Variants in PACRGL observed in about 807,000 individuals in gnomAD.
PACRGL encodes parkin coregulated like.
In PACRGL, 38 loss-of-function variants were observed where a neutral mutation model predicts 34.5. That is an observed-to-expected ratio of 1.10 (90% CI 0.85 to 1.44). The LOEUF (loss-of-function observed/expected upper bound fraction) is 1.44, where lower values mean the gene tolerates loss of function less well. Ranked by LOEUF, PACRGL falls within the 40% of genes most tolerant of loss-of-function variation. The probability of loss-of-function intolerance (pLI) is 0.00; values close to 1 mark genes in which losing one functional copy is unlikely to be tolerated. For synonymous variants in PACRGL, 128 were observed against 100.1 expected (o/e 1.28, Z -1.66); for missense variants, 305 against 281.4 (o/e 1.08, Z -0.60).
intron 7 of PACRGL, among the ~76,000 whole-genome samples, chr4:20,720,843 C>G (rs944387620): frequency 2.6e-5 from 4 of 152,086 alleles, no homozygotes; most frequent in Non-Finnish European, 5.9e-5. Context: ...GTGGCATTCT[C>G]TGTATTTCCT....
At chr4:20,765,973 A>T in the PACRGL span, among the ~76,000 whole-genome samples, 1 of 152,158 alleles carries the variant, frequency 6.6e-6, no homozygotes, top group East Asian at 1.9e-4. Context: ...ATAAGGCAGT[A>T]TTACTATTGT....
rs76392954 is a variant in PACRGL at position 20,723,926 on chromosome 4, G to A, written c.610-882G>A. 4.0e-3 allele frequency among the ~76,000 whole-genome samples: 605 copies of A among 152,172 alleles called. 6 individuals carry two copies. Among genetic ancestry groups the A allele is most frequent in the African/African-American group, 0.014 (561 of 41,516 alleles). On this transcript the variant is annotated intron_variant, in intron 7 of 8. Transcript: ENST00000503585. The stretch of plus-strand genomic sequence containing the variant: ...CTGAGGATGTCAATGAGGTGCTATC[G>A]GATCCCCTTCGTCCCTCACCCCCAT...
chr4:20,730,163 G>A lies in PACRGL; in HGVS notation c.*2822G>A. 1.3e-6 allele frequency: 2 copies of A among 1,584,492 alleles called. No homozygotes were observed. The highest frequency in any genetic ancestry group is 8.6e-7 in the Non-Finnish European group (1 of 1,166,678). ...GAGAAACACAGAGCGATTAAATTCA[G>A]CATATCTGCAAGGAAAAGTACACTA... On this transcript the variant is annotated 3_prime_UTR_variant, in exon 9 of 9. Transcript: ENST00000503585.
chr4:20,720,418 C>A (rs1393745812), intron 7 of PACRGL, among the ~76,000 whole-genome samples: 2 of 152,166 alleles, frequency 1.3e-5, no homozygotes, highest in East Asian at 1.9e-4. Flanking sequence ...CAGTTTCTTC[C>A]TAGCCTCGAT....
At chr4:20,716,381 G>C in intron 7 of PACRGL, 1 of 575,864 alleles carries the variant, frequency 1.7e-6, no homozygotes, top group African/African-American at 1.9e-5. Context: ...TAAGTTCTAG[G>C]GTACATGTGC....
At chr4:20,707,893 C>T in intron 4 of PACRGL, 23 bp downstream of exon 4, 1 of 1,531,464 alleles carries the variant, frequency 6.5e-7, no homozygotes, top group Non-Finnish European at 9.0e-7. Context: ...TGATTTATAA[C>T]TGACCAAATT....
In PACRGL at chr4:20,731,948, T is replaced by TACTC. The variant is rs1748372080; in HGVS notation, c.*4609_*4612dup. The TACTC allele has an allele frequency of 6.2e-7, 1 of 1,603,828 alleles. No individual in the cohort carries two copies. Among genetic ancestry groups the TACTC allele is most frequent in the African/African-American group, 1.3e-5 (1 of 74,504 alleles). On this transcript the variant is annotated 3_prime_UTR_variant, in exon 9 of 9. Transcript: ENST00000503585. ...CCAGTTCATGGTAGCTAGCTGCTAATACTCAGTTTAGCTGTTATGATAGCT... is the reference window on the plus strand; with the variant it reads ...CCAGTTCATGGTAGCTAGCTGCTAATACTCACTCAGTTTAGCTGTTATGATAGCT...
At chr4:20,732,693 T>A, downstream of PACRGL, 1 of 1,609,568 alleles carries the variant, frequency 6.2e-7, no homozygotes, top group African/African-American at 1.3e-5. Context: ...GAAAAAATGT[T>A]TCAACGTGTT....
At chr4:20,698,300 C>T (rs1450814643), upstream of PACRGL, among the ~76,000 whole-genome samples, 3 of 152,194 alleles carry the variant, frequency 2.0e-5, no homozygotes, top group African/African-American at 7.2e-5. Context: ...AAATAGGTCA[C>T]CTTTTTTCCC....
In PACRGL at chr4:20,709,720, G is replaced by A. The variant is rs543461173; in HGVS notation, c.313G>A (p.Glu105Lys). Residue 105 changes from glutamate to lysine, a missense_variant, in exon 5 of 9, where the codon GAA (glutamate) becomes AAA (lysine). Coordinates refer to ENST00000503585, the MANE Select transcript of PACRGL (RefSeq NM_001258345.3). ...HGSVKHRLQW[E>K]CPPESLSFDP... ...TTCAGTAAAACACAGATTACAGTGG[G>A]AATGTCCTCCTGAAAGTCTTTCATT... 3.7e-6 allele frequency: 6 copies of A among 1,610,516 alleles called. No individual in the cohort carries two copies. In the East Asian group the frequency reaches 8.9e-5, roughly 24 times the overall value.
the PACRGL span, among the ~76,000 whole-genome samples, chr4:20,766,319 A>G: frequency 1.3e-5 from 2 of 152,178 alleles, no homozygotes; most frequent in African/African-American, 2.4e-5. Flanking sequence ...CTGTAATCCC[A>G]GTACTTTGGG....
chr4:20,766,893 G>T, the PACRGL span: 1 of 149,870 alleles, frequency 6.7e-6, no homozygotes, highest in East Asian at 2.0e-4. Flanking sequence ...TGGGAGCTGT[G>T]TAGCTTCAGG....
At chr4:20,724,413 ACT>A (rs765057282) in intron 7 of PACRGL, among the ~76,000 whole-genome samples, 1 of 152,058 alleles carries the variant, frequency 6.6e-6, no homozygotes, top group Non-Finnish European at 1.5e-5. Context: ...CAGGGCATTC[ACT>A]CTTATAAATT....
At chr4:20,711,015 C>G (rs1057460621) in intron 5 of PACRGL, among the ~76,000 whole-genome samples, 1 of 151,952 alleles carries the variant, frequency 6.6e-6, no homozygotes, top group African/African-American at 2.4e-5. Context: ...TAGGGAGACC[C>G]TGTCTCTACA....
rs565927006 is a variant in PACRGL, at chr4:20,720,071, T to C, written c.610-4737T>C. Among the ~76,000 whole-genome samples the C allele has an allele frequency of 5.8e-4, 88 of 152,338 alleles. 2 individuals carry two copies. The East Asian group carries it at 0.01, about 18-fold the overall frequency. On this transcript the variant is annotated intron_variant, in intron 7 of 8. Coordinates refer to ENST00000503585, the MANE Select transcript of PACRGL (RefSeq NM_001258345.3). The stretch of plus-strand genomic sequence containing the variant: ...AGCCCTTCTTGTTGAATTGATCCCT[T>C]TACCATTATGTAATGGCCTTCTTTG...
At chr4:20,722,660 C>T (rs1256602764) in intron 7 of PACRGL, among the ~76,000 whole-genome samples, 2 of 152,140 alleles carry the variant, frequency 1.3e-5, no homozygotes, top group South Asian at 2.1e-4. Context: ...AGCTAATACC[C>T]TGTGAACCAA....
At chr4:20,720,401 G>A (rs182515024) in intron 7 of PACRGL, among the ~76,000 whole-genome samples, 18 of 152,284 alleles carry the variant, frequency 1.2e-4, no homozygotes, top group African/African-American at 4.1e-4. Flanking sequence ...TTGCTCATTA[G>A]TTGATGCAGT....
At chr4:20,744,724 A>C (rs1752029789) in intron 8 of PACRGL, among the ~76,000 whole-genome samples, 1 of 152,212 alleles carries the variant, frequency 6.6e-6, no homozygotes, top group Non-Finnish European at 1.5e-5. Context: ...ATATGTAACA[A>C]ACCTGCACAT....
rs147321782 is a variant in PACRGL, at chr4:20,741,474, G to A, written c.*57-11091G>A. Among the ~76,000 whole-genome samples, 8 of 152,306 alleles carry A rather than the reference G, an allele frequency of 5.3e-5. No homozygotes were observed. The East Asian group carries it at 1.5e-3, about 29-fold the overall frequency. ...CAACCTGCTCCTGAATGACCACTGG[G>A]TAGATAATGAAATGAAGGCAGAAAT... On this transcript the variant is annotated intron_variant, in intron 8 of 8. Transcript: ENST00000507634.
Sources: gnomAD v4.1 joint callset for allele counts (sites outside exome capture counted in the v4.1 genomes callset) on GRCh38, gnomAD v4.1.1 for gene constraint, MANE v1.5 for transcripts, NCBI Gene and HGNC (gene_info 2026-07-23, HGNC 2026-07-21) for gene names.